The following TESC variants were observed in gnomAD, a reference collection of about 807,000 sequenced individuals.
The protein encoded by TESC is tescalcin.
In TESC, 19 loss-of-function variants were observed where a neutral mutation model predicts 31.0. That is an observed-to-expected ratio of 0.61 (90% CI 0.43 to 0.90). TESC has a LOEUF of 0.90. Among genes scored for constraint, TESC ranks in the 40% least tolerant of loss-of-function variants. The pLI, the probability that TESC is intolerant of heterozygous loss-of-function variation, is 0.00. For missense variants in TESC, 248 were observed against 303.8 expected, an observed-to-expected ratio of 0.82 and a Z score of 1.36; for synonymous variants, 109 against 114.8, an observed-to-expected ratio of 0.95 and a Z score of 0.32.
At chr12:117,091,903 G>A (rs926741950) in intron 1 of TESC, among the ~76,000 whole-genome samples, 12 of 152,196 alleles carry the variant, frequency 7.9e-5, no homozygotes, top group Admixed American at 2.6e-4. Flanking sequence ...CAGATGTGCC[G>A]ACTCTCAGAG....
intron 2 of TESC, among the ~76,000 whole-genome samples, chr12:117,062,164 A>G (rs1006174077): frequency 6.6e-6 from 1 of 152,156 alleles, no homozygotes; most frequent in Non-Finnish European, 1.5e-5. Context: ...AGAGCTTTAC[A>G]TTATTACATA....
intron 1 of TESC, among the ~76,000 whole-genome samples, chr12:117,086,854 T>C (rs1036341021): frequency 5.3e-5 from 8 of 152,236 alleles, no homozygotes; most frequent in African/African-American, 1.7e-4. Context: ...CTGGGGTTGC[T>C]GGGACTGTTA....
chr12:117,094,204 A>G (rs561830105), intron 1 of TESC, among the ~76,000 whole-genome samples: 1 of 152,224 alleles, frequency 6.6e-6, no homozygotes, highest in South Asian at 2.1e-4. Context: ...TCCTGGGAAT[A>G]CTCGTTTCCG....
intron 2 of TESC, among the ~76,000 whole-genome samples, chr12:117,074,149 C>T (rs1421414014): frequency 1.3e-5 from 2 of 152,020 alleles, no homozygotes; most frequent in Non-Finnish European, 2.9e-5. Context: ...CACCTGAGCC[C>T]AGGAGTTCAA....
chr12:117,069,947 C>T (rs529628299), intron 2 of TESC, among the ~76,000 whole-genome samples: 67 of 152,304 alleles, frequency 4.4e-4, no homozygotes, highest in Non-Finnish European at 7.1e-4. Flanking sequence ...GTGGGTCCTT[C>T]GCTGTCTGAG....
Position 117,075,891 on chromosome 12 carries a change from A to ATATATATATATATATATGTGTGTGTGTG in TESC, c.59-552_59-551insCACACACACACATATATATATATATATA, listed in dbSNP as rs1565971525. 4.3e-4 allele frequency among the ~76,000 whole-genome samples: 30 copies of ATATATATATATATATATGTGTGTGTGTG among 69,078 alleles called. 1 individual carries two copies. The highest frequency in any genetic ancestry group is 2.5e-3 in the African/African-American group (30 of 11,864). 45.3% of individuals were successfully genotyped at this position (69,078 alleles called of 152,430 possible). On this transcript the variant is annotated intron_variant, in intron 1 of 7. Coordinates refer to ENST00000335209, the MANE Select transcript of TESC (RefSeq NM_017899.4). ...TATATGTGTGTATATATATATATAT[A>ATATATATATATATATATGTGTGTGTGTG]TATATATATATATATATATATATGT...
Position 117,078,487 on chromosome 12 carries a change from T to C in TESC, c.59-3147A>G, listed in dbSNP as rs74890250. Among the ~76,000 whole-genome samples the C allele has an allele frequency of 2.2e-4, 33 of 152,122 alleles. No individual in the cohort carries two copies. The East Asian group carries it at 5.6e-3, about 26-fold the overall frequency. On this transcript the variant is annotated intron_variant, in intron 1 of 7. Transcript: ENST00000335209. ...CCTCAAAAAAAAAGCAAAAAACAGA[T>C]TGGTCAAACACTTTTTGGTATGTTT... is the stretch of plus-strand genomic sequence containing the variant.
At chr12:117,056,997 A>G in intron 2 of TESC, 111 bp from the exon 3 acceptor site, 1 of 998,618 alleles carries the variant, frequency 1.0e-6, no homozygotes, top group Admixed American at 1.9e-5. Flanking sequence ...ACAGGCCCCC[A>G]CAAGAATAGT....
At chr12:117,092,020 C>T (rs1955318216) in intron 1 of TESC, among the ~76,000 whole-genome samples, 1 of 152,198 alleles carries the variant, frequency 6.6e-6, no homozygotes, top group African/African-American at 2.4e-5. Context: ...TCTGGATTCC[C>T]TACCCAGCAA....
intron 1 of TESC, among the ~76,000 whole-genome samples, chr12:117,091,345 T>A (rs1185465471): frequency 6.6e-6 from 1 of 152,212 alleles, no homozygotes; most frequent in Non-Finnish European, 1.5e-5. Flanking sequence ...TAACAGATCC[T>A]AAAGTGCTTT....
chr12:117,042,761 CA>C (rs1954503600), intron 6 of TESC, among the ~76,000 whole-genome samples: 1 of 152,204 alleles, frequency 6.6e-6, no homozygotes, highest in African/African-American at 2.4e-5. Context: ...CGCTTTGTGA[CA>C]GCGAAAACCC....
intron 1 of TESC, among the ~76,000 whole-genome samples, chr12:117,090,961 G>T (rs1955298436): frequency 6.6e-6 from 1 of 152,134 alleles, no homozygotes; most frequent in Non-Finnish European, 1.5e-5. Flanking sequence ...CTGGCCACCT[G>T]CCCTCCTCCT....
At position 117,046,540 on chromosome 12, in the gene TESC, G is replaced by A. The variant is rs1954562595; in HGVS notation, c.519+19C>T. 2.6e-6 allele frequency: 4 copies of A among 1,542,080 alleles called. No homozygotes were observed. In the Admixed American group the frequency reaches 7.9e-5, roughly 31 times the overall value. ...GGGAAAGGCACTGCGCGTCTCGGGAGGGCTGCAGGGGCGCTCACCATCTGC... is the reference window on the plus strand; with the variant it reads ...GGGAAAGGCACTGCGCGTCTCGGGAAGGCTGCAGGGGCGCTCACCATCTGC... On this transcript the variant is annotated intron_variant, in intron 6 of 7. Coordinates refer to ENST00000335209, the MANE Select transcript of TESC (RefSeq NM_017899.4).
At chr12:117,066,796 C>T (rs1400575094) in intron 2 of TESC, among the ~76,000 whole-genome samples, 2 of 152,132 alleles carry the variant, frequency 1.3e-5, no homozygotes, top group South Asian at 2.1e-4. Context: ...CCCTTCTCAA[C>T]CCTGTAGGAT....
chr12:117,046,232 C>T (rs1239500611), intron 6 of TESC, among the ~76,000 whole-genome samples: 1 of 152,256 alleles, frequency 6.6e-6, no homozygotes, highest in Non-Finnish European at 1.5e-5. Flanking sequence ...CCATGTGCTA[C>T]CTAGGCCTGG....
At position 117,061,335 on chromosome 12, in the gene TESC, C is replaced by T. The variant is rs73203862; in HGVS notation, c.129-4449G>A. On this transcript the variant is annotated intron_variant, in intron 2 of 7. Coordinates refer to ENST00000335209, the MANE Select transcript of TESC (RefSeq NM_017899.4). ...GAAGATGGCTGCACGCAGGGCTTCCCTCTTTGTCTGGCCCATCCTGAGGCA... is the reference window on the plus strand; with the variant it reads ...GAAGATGGCTGCACGCAGGGCTTCCTTCTTTGTCTGGCCCATCCTGAGGCA... 7.9e-3 allele frequency among the ~76,000 whole-genome samples: 1,208 copies of T among 152,246 alleles called. 7 individuals carry two copies. The highest frequency in any genetic ancestry group is 0.022 in the South Asian group (104 of 4,820).
intron 1 of TESC, among the ~76,000 whole-genome samples, chr12:117,085,782 C>G (rs1210063381): frequency 1.3e-5 from 2 of 152,168 alleles, no homozygotes; most frequent in Admixed American, 1.3e-4. Context: ...CAGCTGTCAC[C>G]CTGAACTCAT....
intron 7 of TESC, 94 bp from the exon 8 acceptor site, chr12:117,039,304 T>C (rs1490074529): frequency 1.7e-6 from 2 of 1,188,636 alleles, no homozygotes; most frequent in Non-Finnish European, 2.4e-6. Flanking sequence ...ACCTACCGTC[T>C]CCTGCCACCA....
chr12:117,064,385 C>G (rs2135771206), intron 2 of TESC, among the ~76,000 whole-genome samples: 1 of 152,338 alleles, frequency 6.6e-6, no homozygotes, highest in Middle Eastern at 3.4e-3. Context: ...CTGGCAAATG[C>G]CTCTTTGAAA....
Sources: allele counts gnomAD v4.1 joint callset (sites outside exome capture counted in the v4.1 genomes callset), GRCh38; gene constraint gnomAD v4.1.1; transcripts MANE v1.5; gene names NCBI Gene and HGNC (gene_info 2026-07-23, HGNC 2026-07-21).